CHRM3: variants seen among roughly 807,000 people sequenced by gnomAD.
CHRM3 encodes the protein cholinergic receptor muscarinic 3.
Under a neutral mutation model 41.8 loss-of-function variants are expected in CHRM3, and 11 were observed. The ratio of observed to expected loss-of-function variants is 0.26; its 90% CI spans 0.17 to 0.44. The LOEUF is 0.44. Ranked by LOEUF, CHRM3 falls within the 20% of genes least tolerant of loss-of-function variation. The pLI, the probability that CHRM3 is intolerant of heterozygous loss-of-function variation, is 1.00. For missense variants in CHRM3, 571 were observed against 745.4 expected, an observed-to-expected ratio of 0.77 and a Z score of 2.72; for synonymous variants, 297 against 301.4, an observed-to-expected ratio of 0.99 and a Z score of 0.15.
intron 5 of CHRM3, among the ~76,000 whole-genome samples, chr1:239,778,813 T>G (rs1481848299): frequency 6.6e-6 from 1 of 152,208 alleles, no homozygotes; most frequent in African/African-American, 2.4e-5. Flanking sequence ...GGATGCCAGG[T>G]CCTATTCATT....
intron 1 of CHRM3, among the ~76,000 whole-genome samples, chr1:239,430,023 A>C (rs1354212720): frequency 1.4e-5 from 2 of 144,744 alleles, no homozygotes; most frequent in African/African-American, 2.6e-5. Flanking sequence ...GCTAGAGTGC[A>C]GTGGCACAAT....
intron 4 of CHRM3, among the ~76,000 whole-genome samples, chr1:239,633,190 C>T (rs997874098): frequency 6.6e-6 from 1 of 152,184 alleles, no homozygotes; most frequent in African/African-American, 2.4e-5. Context: ...CCAGGATGGT[C>T]TCGATCTCCT....
At chr1:239,557,953 A>ATG (rs1473410894) in intron 3 of CHRM3, among the ~76,000 whole-genome samples, 1 of 152,140 alleles carries the variant, frequency 6.6e-6, no homozygotes, top group Non-Finnish European at 1.5e-5. Context: ...CTACATGTGC[A>ATG]TGTATCTTTA....
At chr1:239,484,817 G>A (rs370205741) in intron 1 of CHRM3, among the ~76,000 whole-genome samples, 1 of 152,150 alleles carries the variant, frequency 6.6e-6, no homozygotes, top group African/African-American at 2.4e-5. Context: ...AGTACACACC[G>A]TGTACATCTT....
chr1:239,719,517 G>C (rs1490158740), intron 5 of CHRM3: 1 of 151,886 alleles, frequency 6.6e-6, no homozygotes, highest in Non-Finnish European at 1.5e-5. Flanking sequence ...AAGCCACCGG[G>C]TAATTCTGAC....
chr1:239,392,428 A>G (rs751936450), intron 1 of CHRM3, among the ~76,000 whole-genome samples: 16 of 152,148 alleles, frequency 1.1e-4, no homozygotes, highest in Middle Eastern at 3.4e-3. Context: ...TCCTGTCCCC[A>G]CTGTTCCCTT....
rs769270946 is a variant in CHRM3, at chr1:239,684,716, AGAAAG to A, written c.-147+6444_-147+6448del. Reference sequence around the variant, plus strand: ...GAGAGAGAGAGAGAGAGAGGAAAGAAGAAAGGAAAGGAAAGGAAAGAGAGAAAGAA... The same window carrying A: ...GAGAGAGAGAGAGAGAGAGGAAAGAAGAAAGGAAAGGAAAGAGAGAAAGAA... On this transcript the variant is annotated intron_variant, in intron 5 of 6. Coordinates refer to ENST00000676153, the MANE Select transcript of CHRM3 (RefSeq NM_001375978.1). Among the ~76,000 whole-genome samples the A allele has an allele frequency of 7.1e-4, 80 of 113,402 alleles. 1 individual carries two copies. The highest frequency in any genetic ancestry group is 2.6e-3 in the South Asian group (9 of 3,504). The allele number at this position is 113,402 out of a possible 152,430, so 74.4% of individuals were successfully genotyped here.
At chr1:239,795,895 G>C (rs139272610) in intron 5 of CHRM3, among the ~76,000 whole-genome samples, 1 of 152,318 alleles carries the variant, frequency 6.6e-6, no homozygotes, top group African/African-American at 2.4e-5. Context: ...TCTGAGCTTA[G>C]TATAAATAAA....
At chr1:239,449,342 G>A (rs1279482350) in intron 1 of CHRM3, among the ~76,000 whole-genome samples, 4 of 152,098 alleles carry the variant, frequency 2.6e-5, no homozygotes, top group African/African-American at 9.7e-5. Context: ...CTTTTTAAAG[G>A]AAAGTGGGTT....
intron 1 of CHRM3, among the ~76,000 whole-genome samples, chr1:239,476,548 G>A (rs547823836): frequency 1.3e-4 from 20 of 151,820 alleles, no homozygotes; most frequent in South Asian, 2.1e-4. Flanking sequence ...TGTTCACATC[G>A]TTGTCAAATT....
At chr1:239,583,899 A>T (rs1489957429) in intron 3 of CHRM3, among the ~76,000 whole-genome samples, 3 of 151,994 alleles carry the variant, frequency 2.0e-5, no homozygotes, top group Non-Finnish European at 2.9e-5. Flanking sequence ...GTTTTATCCT[A>T]CCCTGCTGGC....
At chr1:239,697,327 G>A (rs1384527357) in intron 5 of CHRM3, among the ~76,000 whole-genome samples, 1 of 152,130 alleles carries the variant, frequency 6.6e-6, no homozygotes, top group Admixed American at 6.6e-5. Flanking sequence ...TTTTCCTGCT[G>A]CTATCCATGC....
At chr1:239,757,578 C>T (rs1572195194) in intron 5 of CHRM3, among the ~76,000 whole-genome samples, 1 of 150,672 alleles carries the variant, frequency 6.6e-6, no homozygotes, top group South Asian at 2.1e-4. Flanking sequence ...TGCAGTGAGC[C>T]GAGATCGCGC....
rs147069454 is a variant in CHRM3, at chr1:239,778,460, C to T, written c.-146-48792C>T. Among the ~76,000 whole-genome samples the T allele has an allele frequency of 3.4e-3, 521 of 152,256 alleles. 14 individuals carry two copies. Among genetic ancestry groups the T allele is most frequent in the Admixed American group, 0.031 (478 of 15,288 alleles). Reference sequence around the variant, plus strand: ...TTTAACAGCATCTGGCTGTAAGTTCCGTGTTTATCCTATCTGTGCCCTTTT... The same window carrying T: ...TTTAACAGCATCTGGCTGTAAGTTCTGTGTTTATCCTATCTGTGCCCTTTT... On this transcript the variant is annotated intron_variant, in intron 5 of 6. Transcript: ENST00000676153.
At chr1:239,694,753 A>G (rs1388124433) in intron 5 of CHRM3, among the ~76,000 whole-genome samples, 2 of 152,220 alleles carry the variant, frequency 1.3e-5, no homozygotes, top group Non-Finnish European at 2.9e-5. Context: ...GATAAACAAT[A>G]TCCTAAAATT....
intron 3 of CHRM3, among the ~76,000 whole-genome samples, chr1:239,565,842 G>T (rs556016306): frequency 4.0e-5 from 6 of 148,916 alleles, no homozygotes; most frequent in Non-Finnish European, 5.9e-5. Context: ...AATGATATAT[G>T]TTAATATATG....
intron 4 of CHRM3, among the ~76,000 whole-genome samples, chr1:239,654,728 A>G (rs898910039): frequency 1.3e-5 from 2 of 152,198 alleles, no homozygotes; most frequent in Non-Finnish European, 2.9e-5. Context: ...GGGAATGGAC[A>G]TTATCAGGGC....
intron 1 of CHRM3, among the ~76,000 whole-genome samples, chr1:239,417,960 AG>A (rs1233702702): frequency 6.6e-6 from 1 of 152,226 alleles, no homozygotes; most frequent in East Asian, 1.9e-4. Context: ...ACTGTGTGAT[AG>A]GTTGCTATGT....
chr1:239,776,602 T>C (rs926988840), intron 5 of CHRM3, among the ~76,000 whole-genome samples: 1 of 152,110 alleles, frequency 6.6e-6, no homozygotes, highest in African/African-American at 2.4e-5. Flanking sequence ...AATCCGTCCA[T>C]GGGAAAAAAT....
Sources: gnomAD v4.1 joint callset for allele counts (sites outside exome capture counted in the v4.1 genomes callset) on GRCh38, gnomAD v4.1.1 for gene constraint, MANE v1.5 for transcripts, NCBI Gene and HGNC (gene_info 2026-07-23, HGNC 2026-07-21) for gene names.